MARCHF1: variants seen among roughly 807,000 people sequenced by gnomAD.
MARCHF1 encodes the protein membrane associated ring-CH-type finger 1, also known as E3 ubiquitin-protein ligase MARCHF1.
MARCHF1 carries 40 observed loss-of-function variants against 54.2 expected under a neutral mutation model. The ratio of observed to expected loss-of-function variants is 0.74; its 90% CI spans 0.57 to 0.96. MARCHF1 has a LOEUF of 0.96. Ranked by LOEUF, MARCHF1 falls within the 40% of genes least tolerant of loss-of-function variation. The pLI, the probability that MARCHF1 is intolerant of heterozygous loss-of-function variation, is 0.00. For synonymous variants in MARCHF1, 236 were observed against 236.3 expected (o/e 1.00, Z 0.01); for missense variants, 586 against 656.5 (o/e 0.89, Z 1.17).
chr4:163,744,677 G>A (rs995626945), intron 4 of MARCHF1, among the ~76,000 whole-genome samples: 1 of 152,124 alleles, frequency 6.6e-6, no homozygotes, highest in Non-Finnish European at 1.5e-5. Flanking sequence ...AGAGAGTGAA[G>A]TCAGATTTTA....
At chr4:163,591,292 C>T (rs1225549336) in intron 7 of MARCHF1, among the ~76,000 whole-genome samples, 1 of 151,964 alleles carries the variant, frequency 6.6e-6, no homozygotes, top group Non-Finnish European at 1.5e-5. Context: ...CACCTTCCCT[C>T]TTTTAATAAT....
intron 3 of MARCHF1, among the ~76,000 whole-genome samples, chr4:163,863,380 T>A (rs1018751977): frequency 6.6e-6 from 1 of 152,050 alleles, no homozygotes; most frequent in Non-Finnish European, 1.5e-5. Context: ...TGGTCCCCTA[T>A]GGAGGTATGA....
intron 4 of MARCHF1, among the ~76,000 whole-genome samples, chr4:163,832,801 C>T (rs1340795575): frequency 7.3e-6 from 1 of 136,330 alleles, no homozygotes; most frequent in Non-Finnish European, 1.6e-5. Context: ...CATGTGTTCT[C>T]ATTGTTCAAT....
chr4:163,733,241 ACACGTG>A (rs1266875879), intron 4 of MARCHF1, among the ~76,000 whole-genome samples: 81 of 60,054 alleles, frequency 1.3e-3, no homozygotes, highest in African/African-American at 3.2e-3. Flanking sequence ...ATATATATAT[ACACGTG>A]TATATATATA....
rs936838051 is a variant in MARCHF1, at chr4:163,716,914, A to G, written c.112-16051T>C. Among the ~76,000 whole-genome samples the G allele has an allele frequency of 2.0e-5, 3 of 152,186 alleles. No homozygotes were observed. In the South Asian group the frequency reaches 6.2e-4, roughly 32 times the overall value. On this transcript the variant is annotated intron_variant, in intron 4 of 9. Coordinates refer to ENST00000514618, the MANE Select transcript of MARCHF1 (RefSeq NM_001394959.1). ...AATAAACATTTTAGGTTAATAATAC[A>G]TATTAATTTTTTATTATTTTACTGT...
chr4:164,018,216 T>C (rs1453841572), intron 2 of MARCHF1, among the ~76,000 whole-genome samples: 3 of 151,878 alleles, frequency 2.0e-5, no homozygotes, highest in African/African-American at 4.8e-5. Context: ...AAAGAAAACA[T>C]AGGATAAATT....
intron 2 of MARCHF1, among the ~76,000 whole-genome samples, chr4:163,997,413 A>C (rs1310002079): frequency 6.6e-6 from 1 of 152,038 alleles, no homozygotes; most frequent in Non-Finnish European, 1.5e-5. Flanking sequence ...CAGTATAAGA[A>C]AGATAATTAT....
At chr4:164,336,889 T>C (rs981122552) in intron 1 of MARCHF1, among the ~76,000 whole-genome samples, 2 of 152,174 alleles carry the variant, frequency 1.3e-5, no homozygotes, top group Non-Finnish European at 2.9e-5. Context: ...GAAAATTTTA[T>C]CCATCAATCT....
intron 1 of MARCHF1, among the ~76,000 whole-genome samples, chr4:164,132,178 C>G (rs564668542): frequency 6.6e-6 from 1 of 152,192 alleles, no homozygotes; most frequent in East Asian, 1.9e-4. Context: ...TCCCTTTCTC[C>G]CTCCCCGTCT....
intron 8 of MARCHF1, among the ~76,000 whole-genome samples, chr4:163,564,088 T>A (rs544331175): frequency 9.7e-4 from 148 of 152,216 alleles, no homozygotes; most frequent in Non-Finnish European, 1.5e-3. Context: ...GTTTGCCTTA[T>A]GAGTTCACTT....
chr4:163,749,753 GGCTATCTCAGTA>G (rs1746464145), intron 4 of MARCHF1, among the ~76,000 whole-genome samples: 1 of 151,912 alleles, frequency 6.6e-6, no homozygotes, highest in Admixed American at 6.6e-5. Flanking sequence ...ACTTAACAGT[GGCTATCTCAGTA>G]AGATGTTCAA....
chr4:164,126,427 T>C (rs1756181308), intron 1 of MARCHF1, among the ~76,000 whole-genome samples: 1 of 152,210 alleles, frequency 6.6e-6, no homozygotes, highest in African/African-American at 2.4e-5. Context: ...ATTCCTTTTG[T>C]TGATAAGTCA....
chr4:164,070,646 T>C (rs1754843539), intron 2 of MARCHF1, among the ~76,000 whole-genome samples: 1 of 152,188 alleles, frequency 6.6e-6, no homozygotes, highest in Non-Finnish European at 1.5e-5. Flanking sequence ...TATAATTCTA[T>C]AGGTTATTCA....
intron 1 of MARCHF1, among the ~76,000 whole-genome samples, chr4:164,261,739 T>A (rs1211510644): frequency 6.6e-6 from 1 of 152,172 alleles, no homozygotes; most frequent in African/African-American, 2.4e-5. Context: ...TTCCTGGCCA[T>A]CAAGCCTTCT....
At position 164,189,586 on chromosome 4, in the gene MARCHF1, C is replaced by T. The variant is rs186112405; in HGVS notation, c.-322-77924G>A. The T allele has an allele frequency of 1.6e-5, 15 of 945,852 alleles. No individual in the cohort carries two copies. In the East Asian group the frequency reaches 3.3e-4, roughly 21 times the overall value. 58.6% of individuals were successfully genotyped at this position (945,852 alleles called of 1,614,324 possible). ...TGGTGCTGCTGTCCAGGCTGGAGTG[C>T]TCTCTGGTGATCAAGATACAGGTGA... is the stretch of plus-strand genomic sequence containing the variant. On this transcript the variant is annotated intron_variant, in intron 1 of 9. Coordinates refer to ENST00000514618, the MANE Select transcript of MARCHF1 (RefSeq NM_001394959.1).
At chr4:163,529,180 T>C in intron 9 of MARCHF1, 134 bp from the exon 10 acceptor site, 6 of 657,980 alleles carry the variant, frequency 9.1e-6, no homozygotes, top group Non-Finnish European at 1.0e-5. Flanking sequence ...AATATATTCT[T>C]CATAACTAGA....
chr4:164,086,977 A>G (rs62349992), intron 2 of MARCHF1, among the ~76,000 whole-genome samples: 63,554 of 151,782 alleles, frequency 0.42, 14,273 homozygotes, highest in Non-Finnish European at 0.49. Flanking sequence ...GGCACCTAGT[A>G]CAATGCCTGG....
chr4:164,067,760 C>G (rs917058205), intron 2 of MARCHF1, among the ~76,000 whole-genome samples: 1 of 151,980 alleles, frequency 6.6e-6, no homozygotes, highest in African/African-American at 2.4e-5. Context: ...AGCTCCTGCA[C>G]GGCAATGAAA....
chr4:163,972,141 C>T (rs192040910), intron 3 of MARCHF1, among the ~76,000 whole-genome samples: 298 of 151,812 alleles, frequency 2.0e-3, no homozygotes, highest in Non-Finnish European at 3.9e-3. Context: ...AAATGGGAGT[C>T]GAACAATGAG....
Sources: gnomAD v4.1 joint callset for allele counts (sites outside exome capture counted in the v4.1 genomes callset) on GRCh38, gnomAD v4.1.1 for gene constraint, MANE v1.5 for transcripts, NCBI Gene and HGNC (gene_info 2026-07-23, HGNC 2026-07-21) for gene names.